The following PEX14 variants were observed in gnomAD, a reference collection of about 807,000 sequenced individuals.
PEX14 encodes peroxisomal biogenesis factor 14, also known as peroxisomal membrane protein PEX14.
Under a neutral mutation model 49.5 loss-of-function variants are expected in PEX14, and 15 were observed. The observed-to-expected ratio is 0.30, with a 90% CI of 0.20 to 0.47. The LOEUF (loss-of-function observed/expected upper bound fraction) is 0.47. Among genes scored for constraint, PEX14 ranks in the 20% least tolerant of loss-of-function variants. PEX14 has a pLI of 1.00. For synonymous variants in PEX14, 210 were observed against 212.7 expected, an observed-to-expected ratio of 0.99 and a Z score of 0.11; for missense variants, 398 against 494.8, an observed-to-expected ratio of 0.80 and a Z score of 1.86.
chr1:10,583,170 A>G (rs899862107), intron 3 of PEX14, among the ~76,000 whole-genome samples: 1 of 151,188 alleles, frequency 6.6e-6, no homozygotes, highest in African/African-American at 2.4e-5. Flanking sequence ...AAACCTGAAC[A>G]TTACTTTTGT....
intron 4 of PEX14, among the ~76,000 whole-genome samples, chr1:10,614,331 C>G (rs761057519): frequency 6.6e-6 from 1 of 152,132 alleles, no homozygotes; most frequent in Non-Finnish European, 1.5e-5. Flanking sequence ...CATTCTGGTC[C>G]CTTTTCATTA....
At chr1:10,624,593 C>T (rs781131829) in intron 7 of PEX14, among the ~76,000 whole-genome samples, 156 bp downstream of exon 7, 22 of 152,182 alleles carry the variant, frequency 1.4e-4, no homozygotes, top group African/African-American at 5.1e-4. Flanking sequence ...CCCTTTCTCT[C>T]CTTGTAGAGA....
chr1:10,524,299 AG>A (rs1468597179), intron 2 of PEX14: 1 of 174,568 alleles, frequency 5.7e-6, no homozygotes, highest in Non-Finnish European at 1.1e-5. Context: ...TGTAATTTCC[AG>A]GTATCTTACC....
intron 2 of PEX14, among the ~76,000 whole-genome samples, chr1:10,515,218 G>A (rs925615675): frequency 1.3e-5 from 2 of 151,590 alleles, no homozygotes; most frequent in African/African-American, 4.8e-5. Context: ...TTAAAAATAA[G>A]GCATTAAAAC....
chr1:10,575,443 T>C (rs1570291546), intron 3 of PEX14, among the ~76,000 whole-genome samples: 2 of 152,184 alleles, frequency 1.3e-5, no homozygotes, highest in African/African-American at 2.4e-5. Context: ...GAATATTTAA[T>C]TTTTCAACAC....
intron 2 of PEX14, among the ~76,000 whole-genome samples, chr1:10,498,928 ACT>A (rs949573751): frequency 2.0e-5 from 3 of 152,096 alleles, no homozygotes; most frequent in African/African-American, 4.8e-5. Context: ...TTTCCCACAG[ACT>A]CTGGTTTTCT....
At chr1:10,620,554 G>A (rs1641559814) in intron 5 of PEX14, among the ~76,000 whole-genome samples, 1 of 152,098 alleles carries the variant, frequency 6.6e-6, no homozygotes, top group Non-Finnish European at 1.5e-5. Flanking sequence ...TTGGGAGGCT[G>A]AGGTGGGCGG....
intron 2 of PEX14, among the ~76,000 whole-genome samples, chr1:10,498,051 C>T (rs1027702724): frequency 6.6e-6 from 1 of 152,100 alleles, no homozygotes; most frequent in Non-Finnish European, 1.5e-5. Context: ...AGGCCAAGGT[C>T]GGGGGATCAC....
At chr1:10,519,026 C>A (rs1045456065) in intron 2 of PEX14, among the ~76,000 whole-genome samples, 4 of 152,086 alleles carry the variant, frequency 2.6e-5, no homozygotes, top group Admixed American at 2.6e-4. Context: ...AGGAGTCGAG[C>A]CAAACTCTCA....
intron 2 of PEX14, among the ~76,000 whole-genome samples, chr1:10,511,635 C>A (rs963852922): frequency 1.7e-4 from 26 of 152,156 alleles, no homozygotes; most frequent in African/African-American, 6.3e-4. Flanking sequence ...TTTATGACTT[C>A]TGTGGATTGT....
At chr1:10,595,259 T>C (rs1455437529) in intron 3 of PEX14, among the ~76,000 whole-genome samples, 2 of 152,204 alleles carry the variant, frequency 1.3e-5, no homozygotes, top group Non-Finnish European at 2.9e-5. Flanking sequence ...AACTATGATG[T>C]GAAAAGATGA....
chr1:10,602,884 G>T lies in PEX14; in HGVS notation c.298+3518G>T, dbSNP rs75295540. Among the ~76,000 whole-genome samples, 421 of 152,282 alleles carry T rather than the reference G, an allele frequency of 2.8e-3. 3 individuals are homozygous for T. Among genetic ancestry groups the T allele is most frequent in the African/African-American group, 9.8e-3 (408 of 41,562 alleles). On this transcript the variant is annotated intron_variant, in intron 4 of 8. Coordinates refer to ENST00000356607, the MANE Select transcript of PEX14 (RefSeq NM_004565.3). ...TGCCGATTTTACATCTAGATCCCCG[G>T]CAGCCTTTTCCTTCCCATTTCTTGG...
At chr1:10,518,419 G>A (rs989351908) in intron 2 of PEX14, among the ~76,000 whole-genome samples, 1 of 152,138 alleles carries the variant, frequency 6.6e-6, no homozygotes, top group Non-Finnish European at 1.5e-5. Context: ...TTGTCTCCTT[G>A]GGGATATTGA....
In PEX14 at chr1:10,618,398, G is replaced by T. The variant is rs536484568; in HGVS notation, c.365G>T (p.Gly122Val). The change falls in exon 5 of 9, where the codon GGC (glycine) becomes GTC (valine). Residue 122 changes from glycine to valine, a missense_variant. This residue lies in a region of PEX14 where 202 missense variants were observed against 298.5 expected (regional missense o/e 0.68). Transcript: ENST00000356607. ...ATCATCATGGCAGGCATTGCATTTG[G>T]CTTTCACCAGCTCTACAAGGTGAGT... ...LAIIMAGIAF[G>V]FHQLYKKYLL... 1 of 1,613,490 alleles carries T rather than the reference G, an allele frequency of 6.2e-7. No homozygotes were observed. Among genetic ancestry groups the T allele is most frequent in the East Asian group, 2.2e-5 (1 of 44,886 alleles).
chr1:10,483,758 C>T (rs1174523423), intron 1 of PEX14, among the ~76,000 whole-genome samples: 5 of 89,608 alleles, frequency 5.6e-5, no homozygotes, highest in Admixed American at 2.2e-4. Context: ...GTAACCACTA[C>T]CACCCTAAAC....
intron 2 of PEX14, among the ~76,000 whole-genome samples, chr1:10,521,319 C>T (rs1638287952): frequency 6.6e-6 from 1 of 152,084 alleles, no homozygotes. Flanking sequence ...ACCTTTGTCT[C>T]CACATGCAAA....
intron 4 of PEX14, among the ~76,000 whole-genome samples, chr1:10,611,906 C>G (rs1641287056): frequency 6.6e-6 from 1 of 152,182 alleles, no homozygotes; most frequent in Non-Finnish European, 1.5e-5. Context: ...CAGATATATG[C>G]TTGGCAGATA....
intron 3 of PEX14, among the ~76,000 whole-genome samples, chr1:10,592,372 T>A (rs1640693848): frequency 6.6e-6 from 1 of 152,256 alleles, no homozygotes; most frequent in South Asian, 2.1e-4. Flanking sequence ...CAAAAATAAC[T>A]TCTCTTTGTT....
rs1453170710 is a variant in PEX14, at chr1:10,494,238, C to T, written c.37-1036C>T. On this transcript the variant is annotated intron_variant, in intron 1 of 8. Coordinates refer to ENST00000356607, the MANE Select transcript of PEX14 (RefSeq NM_004565.3). The surrounding 1 kb of genome is among the most constrained non-coding windows in gnomAD (Gnocchi z 4.3). ...CTGGGCATGAGGAATTTTTGGGAAC[C>T]CTCTGCAGACCGGGCCTCTGTCCTT... Among the ~76,000 whole-genome samples the T allele has an allele frequency of 6.6e-6, 1 of 152,142 alleles. No homozygotes were observed. The highest frequency in any genetic ancestry group is 1.5e-5 in the Non-Finnish European group (1 of 68,028).
Sources: gnomAD v4.1 joint callset for allele counts (sites outside exome capture counted in the v4.1 genomes callset) on GRCh38, gnomAD v4.1.1 for gene constraint, gnomAD v4.1.1 regional missense constraint, Gnocchi (gnomAD v3.1) non-coding constraint, MANE v1.5 for transcripts, NCBI Gene and HGNC (gene_info 2026-07-23, HGNC 2026-07-21) for gene names.